The following NOXA1 variants were observed in gnomAD, a reference collection of about 807,000 sequenced individuals.
The protein encoded by NOXA1 is NADPH oxidase activator 1, also known as NCF2-like protein.
NOXA1 carries 56 observed loss-of-function variants against 64.8 expected under a neutral mutation model. That is an observed-to-expected ratio of 0.86 (90% CI 0.70 to 1.08). The LOEUF (loss-of-function observed/expected upper bound fraction) is 1.08. Ranked by LOEUF, NOXA1 falls within the 50% of genes least tolerant of loss-of-function variation. The probability of loss-of-function intolerance (pLI) is 0.00; values close to 1 mark genes in which losing one functional copy is unlikely to be tolerated. For synonymous variants in NOXA1, 295 were observed against 294.8 expected (o/e 1.00, Z -0.01); for missense variants, 668 against 658.5 (o/e 1.01, Z -0.16).
intron 5 of NOXA1, 122 bp downstream of exon 5, chr9:137,429,505 C>G (rs1013167094): frequency 1.4e-6 from 1 of 692,904 alleles, no homozygotes; most frequent in Non-Finnish European, 2.4e-6. Flanking sequence ...AGAGAGTGGG[C>G]CCACAGCCAT....
chr9:137,429,026 G>T lies in NOXA1; in HGVS notation c.504+10G>T. The T allele has an allele frequency of 6.5e-7, 1 of 1,538,684 alleles. No individual in the cohort carries two copies. On this transcript the variant is annotated intron_variant, in intron 4 of 13. Transcript: ENST00000683555. ...CCTGGACCAAGTGCAGGTGAGGAGT[G>T]CCAGCCCGGTCATGGTTTTGGGCTG...
intron 6 of NOXA1, 64 bp downstream of exon 6, chr9:137,430,907 G>A: frequency 6.5e-7 from 1 of 1,546,062 alleles, no homozygotes; most frequent in Non-Finnish European, 8.7e-7. Context: ...AGAAAATGCT[G>A]CACAAGCTCT....
In NOXA1 at chr9:137,433,985, C is replaced by G. The variant is rs1281948299; in HGVS notation, c.1200C>G (p.Val400=). 5 of 1,556,454 alleles carry G rather than the reference C, an allele frequency of 3.2e-6. No individual in the cohort carries two copies. The highest frequency in any genetic ancestry group is 4.3e-6 in the Non-Finnish European group (5 of 1,153,944). ...CTCAGGGAGCCGGGGGTCGGCCGGT[C>G]CTCTACCAGGTGGTGGCCCAGCACA... ...LQCRGAGGRP[V]LYQVVAQHSY... The change falls in exon 13 of 14, where the codon GTC becomes GTG. Residue 400 remains valine, a synonymous_variant. Transcript: ENST00000683555.
At position 137,424,425 on chromosome 9, in the gene NOXA1, A is replaced by G. The variant is rs140570867; in HGVS notation, c.177+719A>G. Among the ~76,000 whole-genome samples, 103 of 152,302 alleles carry G rather than the reference A, an allele frequency of 6.8e-4. 2 individuals carry two copies. In the East Asian group the frequency reaches 0.016, roughly 23 times the overall value. ...TGCGTACAAATTTACAATCACCTCC[A>G]TAATGATTTCATTTTTTTGTTTGTT... On this transcript the variant is annotated intron_variant, in intron 1 of 13. Transcript: ENST00000683555.
intron 5 of NOXA1, among the ~76,000 whole-genome samples, chr9:137,429,648 C>T (rs889571682): frequency 1.3e-5 from 2 of 152,190 alleles, no homozygotes; most frequent in African/African-American, 4.8e-5. Flanking sequence ...GGTGCCACCC[C>T]GCCCCCAGAC....
Position 137,431,767 on chromosome 9 carries a change from T to G in NOXA1, c.804+426T>G, listed in dbSNP as rs1485059596. ...CCCAGCAGCGACTCCATCCCCCGAG[T>G]CCTCCCGGACACCCCGGCACCTGGG... On this transcript the variant is annotated intron_variant, in intron 8 of 13. Transcript: ENST00000683555. The surrounding 1 kb of genome is among the most constrained non-coding windows in gnomAD (Gnocchi z 5.6). Among the ~76,000 whole-genome samples, 1 of 151,892 alleles carries G rather than the reference T, an allele frequency of 6.6e-6. No individual in the cohort carries two copies.
At chr9:137,430,662 A>T in intron 5 of NOXA1, 122 bp from the exon 6 acceptor site, 1 of 735,916 alleles carries the variant, frequency 1.4e-6, no homozygotes, top group South Asian at 2.0e-5. Context: ...TGGGCCGGGC[A>T]TGGGCAGCTG....
At chr9:137,428,198 C>A in intron 3 of NOXA1, 57 bp downstream of exon 3, 1 of 1,267,488 alleles carries the variant, frequency 7.9e-7, no homozygotes, top group Non-Finnish European at 1.1e-6. Context: ...CGGGCGGTGG[C>A]ACTGTCACAG....
chr9:137,428,759 G>A (rs1188884006), intron 3 of NOXA1, 123 bp from the exon 4 acceptor site: 8 of 936,066 alleles, frequency 8.5e-6, no homozygotes, highest in African/African-American at 8.0e-5. Flanking sequence ...TGGGGGAGGG[G>A]CCAGGTGGGG....
intron 5 of NOXA1, among the ~76,000 whole-genome samples, 160 bp downstream of exon 5, chr9:137,429,543 G>T (rs940678637): frequency 6.6e-6 from 1 of 152,186 alleles, no homozygotes; most frequent in Non-Finnish European, 1.5e-5. Flanking sequence ...CGGTAGGGGG[G>T]CGGTGCCCCA....
At position 137,431,892 on chromosome 9, in the gene NOXA1, A is replaced by G. The variant is rs760260124; in HGVS notation, c.804+551A>G. 6.6e-6 allele frequency among the ~76,000 whole-genome samples: 1 copy of G among 152,134 alleles called. No homozygotes were observed. The highest frequency in any genetic ancestry group is 6.5e-5 in the Admixed American group (1 of 15,280). Reference sequence around the variant, plus strand: ...CGGGAGGCCCAGAGAAGGCACCTGCATTTCACGCTGAGCGCATCTGAGGAT... The same window carrying G: ...CGGGAGGCCCAGAGAAGGCACCTGCGTTTCACGCTGAGCGCATCTGAGGAT... On this transcript the variant is annotated intron_variant, in intron 8 of 13. Coordinates refer to ENST00000683555, the MANE Select transcript of NOXA1 (RefSeq NM_001256067.2). This position sits in a 1 kb window ranked among gnomAD's most constrained non-coding sequence, Gnocchi z 5.6.
chr9:137,425,878 A>C (rs949829456), intron 1 of NOXA1, among the ~76,000 whole-genome samples: 9 of 152,194 alleles, frequency 5.9e-5, no homozygotes, highest in African/African-American at 2.2e-4. Flanking sequence ...TCTCAAAAAA[A>C]AAAAAAAGGA....
chr9:137,433,217 TG>T lies in NOXA1; in HGVS notation c.870del (p.Pro291LeufsTer24). The T allele has an allele frequency of 5.6e-6, 9 of 1,605,634 alleles. No individual in the cohort carries two copies. Among genetic ancestry groups the T allele is most frequent in the East Asian group, 4.5e-5 (2 of 44,690 alleles). ...CTCTGTCCTACAGGGCTGCCGGCAA[TG>T]GGGGGGCCTGGCCCCGGCCCCTGTG... ...QAPLSPGLPA[M>X]GGPGPGPCED... On this transcript the variant is annotated frameshift_variant, in exon 10 of 14. Transcript: ENST00000683555. LOFTEE classifies it high-confidence loss of function.
rs1323526905 is a variant in NOXA1, at chr9:137,423,625, C to A, written c.96C>A (p.Gly32=). The change falls in exon 1 of 14, where the codon GGC becomes GGA. Residue 32 remains glycine, a synonymous_variant. Transcript: ENST00000683555. ...DWARALHLFS[G]VPAPPARLCF... is the part of the protein sequence containing the mutation. ...CCCGCGCCTTGCACCTCTTCTCGGG[C>A]GTCCCGGCGCCGCCCGCCAGGCTGT... is the stretch of plus-strand genomic sequence containing the variant. 31 of 1,450,008 alleles carry A rather than the reference C, an allele frequency of 2.1e-5. No individual in the cohort carries two copies. The highest frequency in any genetic ancestry group is 2.8e-5 in the Non-Finnish European group (31 of 1,100,838). 89.8% of individuals were successfully genotyped at this position (1,450,008 alleles called of 1,614,324 possible).
intron 1 of NOXA1, among the ~76,000 whole-genome samples, chr9:137,424,766 C>G (rs1426565217): frequency 3.3e-5 from 5 of 152,098 alleles, no homozygotes; most frequent in Non-Finnish European, 5.9e-5. Flanking sequence ...AAATGTTATC[C>G]AAGAAAGGGA....
chr9:137,427,457 C>T (rs1446692175), intron 2 of NOXA1, among the ~76,000 whole-genome samples: 1 of 152,250 alleles, frequency 6.6e-6, no homozygotes, highest in Non-Finnish European at 1.5e-5. Flanking sequence ...GATATTTTAC[C>T]TTTCAGAAAG....
In NOXA1 at chr9:137,428,811, TG is replaced by T. The variant is rs1366842839; in HGVS notation, c.370-68del. ...TGGGTGGGCAGACCGAGGGAGGAGCTGGGTGGGGGAACCGGGAGAGGGCCTG... is the reference window on the plus strand; with the variant it reads ...TGGGTGGGCAGACCGAGGGAGGAGCTGGTGGGGGAACCGGGAGAGGGCCTG... On this transcript the variant is annotated intron_variant, in intron 3 of 13. Coordinates refer to ENST00000683555, the MANE Select transcript of NOXA1 (RefSeq NM_001256067.2). The T allele has an allele frequency of 6.6e-6, 8 of 1,213,374 alleles. No individual in the cohort carries two copies. The Admixed American group carries it at 2.8e-4, about 43-fold the overall frequency. 75.2% of individuals were successfully genotyped at this position (1,213,374 alleles called of 1,614,324 possible).
chr9:137,433,659 T>A (rs1386763939), intron 11 of NOXA1, 52 bp downstream of exon 11: 2 of 1,518,346 alleles, frequency 1.3e-6, no homozygotes, highest in African/African-American at 2.8e-5. Context: ...CCGCCCCGAC[T>A]GAGGCAGCTG....
chr9:137,424,013 A>G (rs1838711497), intron 1 of NOXA1, among the ~76,000 whole-genome samples: 1 of 152,164 alleles, frequency 6.6e-6, no homozygotes, highest in South Asian at 2.1e-4. Flanking sequence ...GCCTGTGGTC[A>G]TGGCCGGGAG....
Sources: allele counts gnomAD v4.1 joint callset (sites outside exome capture counted in the v4.1 genomes callset), GRCh38; gene constraint gnomAD v4.1.1; non-coding constraint Gnocchi (gnomAD v3.1); transcripts MANE v1.5; gene names NCBI Gene and HGNC (gene_info 2026-07-23, HGNC 2026-07-21).